RASA3: variants seen among roughly 807,000 people sequenced by gnomAD.
RASA3 encodes ras GTPase-activating protein 3.
RASA3 carries 73 observed loss-of-function variants against 110.0 expected under a neutral mutation model. The observed-to-expected ratio is 0.66, with a 90% confidence interval of 0.55 to 0.81. The LOEUF is 0.81. Among genes scored for constraint, RASA3 ranks in the 30% least tolerant of loss-of-function variants. The pLI, the probability that RASA3 is intolerant of heterozygous loss-of-function variation, is 0.00. For synonymous variants in RASA3, 500 were observed against 451.4 expected (o/e 1.11, Z -1.37); for missense variants, 976 against 1,113.2 (o/e 0.88, Z 1.75).
intron 1 of RASA3, among the ~76,000 whole-genome samples, chr13:114,095,235 A>T (rs2079928208): frequency 6.6e-6 from 1 of 152,138 alleles, no homozygotes; most frequent in Non-Finnish European, 1.5e-5. Flanking sequence ...AATTTTCTGC[A>T]ATTATTTTTT....
Position 114,011,089 on chromosome 13 carries a change from G to A in RASA3, c.1590+82C>T, listed in dbSNP as rs2053628510. 4.9e-6 allele frequency: 6 copies of A among 1,231,226 alleles called. No individual in the cohort carries two copies. Among genetic ancestry groups the A allele is most frequent in the Non-Finnish European group, 7.1e-6 (6 of 848,120 alleles). The allele number at this position is 1,231,226 out of a possible 1,614,324, so 76.3% of individuals were successfully genotyped here. ...TTTATCTTACGACTCTCTCAAATGT[G>A]GGAGGTTTTTCACGTGTATTTTCTG... On this transcript the variant is annotated intron_variant, in intron 16 of 23. Transcript: ENST00000334062. This position sits in a 1 kb window ranked among gnomAD's most constrained non-coding sequence, Gnocchi z 4.8.
chr13:114,103,156 C>G (rs2080081557), intron 1 of RASA3, among the ~76,000 whole-genome samples: 1 of 152,196 alleles, frequency 6.6e-6, no homozygotes, highest in Non-Finnish European at 1.5e-5. Context: ...GCCAGGTGCA[C>G]TGGCTCTGTG....
intron 1 of RASA3, among the ~76,000 whole-genome samples, chr13:114,130,042 G>A (rs2080497053): frequency 6.6e-6 from 1 of 152,206 alleles, no homozygotes; most frequent in African/African-American, 2.4e-5. Flanking sequence ...CGCCGCTCAG[G>A]GTCATCCTCC....
chr13:114,017,376 G>A (rs779783203), intron 11 of RASA3, 25 bp from the exon 12 acceptor site: 9 of 1,578,260 alleles, frequency 5.7e-6, no homozygotes, highest in South Asian at 4.4e-5. Flanking sequence ...TGGGGACAGC[G>A]TTTGTCTCCT....
chr13:113,992,414 G>T, intron 22 of RASA3, 71 bp downstream of exon 22: 1 of 1,236,548 alleles, frequency 8.1e-7, no homozygotes, highest in Non-Finnish European at 1.2e-6. Flanking sequence ...TCACCCCACA[G>T]CATGCTCCTG....
chr13:113,999,788 A>G (rs1255287218), intron 19 of RASA3, 121 bp from the exon 20 acceptor site: 45 of 85,324 alleles, frequency 5.3e-4, no homozygotes, highest in Middle Eastern at 6.5e-3. Context: ...GGTCTCTGCC[A>G]GGGGGTCTCT....
chr13:114,075,173 A>G (rs2079647742), intron 1 of RASA3, among the ~76,000 whole-genome samples: 1 of 152,210 alleles, frequency 6.6e-6, no homozygotes, highest in East Asian at 1.9e-4. Context: ...TGTTGAAACA[A>G]ACAAAATCAA....
At chr13:113,983,301 A>T (rs1333468159) in intron 22 of RASA3, among the ~76,000 whole-genome samples, 1 of 121,778 alleles carries the variant, frequency 8.2e-6, no homozygotes, top group Non-Finnish European at 1.9e-5. Flanking sequence ...TGGACCGTGG[A>T]GAAAAAGCCA....
intron 1 of RASA3, among the ~76,000 whole-genome samples, chr13:114,088,329 T>G (rs1337901616): frequency 6.6e-6 from 1 of 152,196 alleles, no homozygotes; most frequent in African/African-American, 2.4e-5. Flanking sequence ...GCCACAGTTC[T>G]GCTCACTCTC....
At chr13:114,082,201 A>C (rs568361457) in intron 1 of RASA3, among the ~76,000 whole-genome samples, 37 of 152,338 alleles carry the variant, frequency 2.4e-4, no homozygotes, top group African/African-American at 7.7e-4. Flanking sequence ...TGCGGGTCTC[A>C]CAGGGGCAGG....
intron 16 of RASA3, among the ~76,000 whole-genome samples, chr13:114,009,973 C>T (rs1244935268): frequency 6.6e-6 from 1 of 152,222 alleles, no homozygotes; most frequent in African/African-American, 2.4e-5. Flanking sequence ...GAGGCTCGAC[C>T]CCAAGTTCCT....
intron 3 of RASA3, among the ~76,000 whole-genome samples, chr13:114,042,084 A>G (rs1037800427): frequency 2.0e-5 from 3 of 152,226 alleles, no homozygotes; most frequent in East Asian, 1.9e-4. Context: ...CCTAGTATGG[A>G]TTTATATGTG....
rs1594351246 is a variant in RASA3 at position 114,029,889 on chromosome 13, T to C, written c.373-2A>G. The C allele has an allele frequency of 6.4e-7, 1 of 1,554,902 alleles. No homozygotes were observed. The highest frequency in any genetic ancestry group is 8.7e-7 in the Non-Finnish European group (1 of 1,151,714). ...CCGCAGCTCCAGGTGCACTTTGCCC[T>C]GCAAGGCACAAGGATGGGGTGTCAG... On this transcript the variant is annotated splice_acceptor_variant, in intron 4 of 23. Coordinates refer to ENST00000334062, the MANE Select transcript of RASA3 (RefSeq NM_007368.4). LOFTEE classifies it high-confidence loss of function.
rs1232556638 is a variant in RASA3 at position 114,048,112 on chromosome 13, G to A, written c.277+3940C>T. Among the ~76,000 whole-genome samples, 1 of 152,118 alleles carries A rather than the reference G, an allele frequency of 6.6e-6. No homozygotes were observed. The highest frequency in any genetic ancestry group is 1.5e-5 in the Non-Finnish European group (1 of 68,008). On this transcript the variant is annotated intron_variant, in intron 3 of 23. Transcript: ENST00000334062. The surrounding 1 kb of genome is among the most constrained non-coding windows in gnomAD (Gnocchi z 4.3). ...GGGCGGATCACGAGGTCAGGAGATA[G>A]AGACCACCTTGGCTAACACGGTGAA...
At chr13:114,029,952 G>C in intron 4 of RASA3, 65 bp from the exon 5 acceptor site, 1 of 1,450,274 alleles carries the variant, frequency 6.9e-7, no homozygotes, top group Non-Finnish European at 9.4e-7. Context: ...CTAGGGCCGC[G>C]CGCCCAGGGA....
At chr13:114,106,586 G>A (rs2080138240) in intron 1 of RASA3, among the ~76,000 whole-genome samples, 1 of 152,154 alleles carries the variant, frequency 6.6e-6, no homozygotes, top group Non-Finnish European at 1.5e-5. Context: ...ATTTTACTTA[G>A]CGTAGGTGTA....
intron 19 of RASA3, 46 bp from the exon 20 acceptor site, chr13:113,999,713 G>A (rs755801636): frequency 9.6e-6 from 15 of 1,557,676 alleles, no homozygotes; most frequent in East Asian, 4.5e-5. Flanking sequence ...CCGCTGTCCC[G>A]GCTGGGGTCC....
chr13:114,025,635 G>A lies in RASA3; in HGVS notation c.604-1280C>T, dbSNP rs554838551. ...CTTATCACCAGCTGATCACCAGCACGGTGCTGGCACCTGACACGTGTTGAG... is the reference window on the plus strand; with the variant it reads ...CTTATCACCAGCTGATCACCAGCACAGTGCTGGCACCTGACACGTGTTGAG... On this transcript the variant is annotated intron_variant, in intron 7 of 23. Coordinates refer to ENST00000334062, the MANE Select transcript of RASA3 (RefSeq NM_007368.4). 2.0e-5 allele frequency among the ~76,000 whole-genome samples: 3 copies of A among 152,368 alleles called. No homozygotes were observed. In the South Asian group the frequency reaches 6.2e-4, roughly 32 times the overall value.
chr13:114,041,479 C>T (rs567832647), intron 3 of RASA3, among the ~76,000 whole-genome samples: 9 of 152,378 alleles, frequency 5.9e-5, no homozygotes, highest in African/African-American at 1.2e-4. Flanking sequence ...TCCGCTCCAT[C>T]GGCAATGTGC....
Sources: allele counts gnomAD v4.1 joint callset (sites outside exome capture counted in the v4.1 genomes callset), GRCh38; gene constraint gnomAD v4.1.1; non-coding constraint Gnocchi (gnomAD v3.1); transcripts MANE v1.5; gene names NCBI Gene and HGNC (gene_info 2026-07-23, HGNC 2026-07-21).